ZSCAN5A: variants seen among roughly 807,000 people sequenced by gnomAD.
ZSCAN5A encodes the protein zinc finger and SCAN domain containing 5A, also known as zinc finger and SCAN domain-containing protein 5A.
Under a neutral mutation model 23.7 loss-of-function variants are expected in ZSCAN5A, and 12 were observed. The observed-to-expected ratio is 0.51, with a 90% CI of 0.32 to 0.82. The LOEUF (loss-of-function observed/expected upper bound fraction) is 0.82, where lower values mean the gene tolerates loss of function less well. Among genes scored for constraint, ZSCAN5A ranks in the 40% least tolerant of loss-of-function variants. The pLI is 0.03. For synonymous variants in ZSCAN5A, 257 were observed against 239.9 expected, an observed-to-expected ratio of 1.07 and a Z score of -0.66; for missense variants, 597 against 617.9, an observed-to-expected ratio of 0.97 and a Z score of 0.36.
At chr19:56,275,400 G>A (rs893962883) in intron 2 of ZSCAN5A, among the ~76,000 whole-genome samples, 14 of 152,002 alleles carry the variant, frequency 9.2e-5, no homozygotes, top group Non-Finnish European at 1.8e-4. Context: ...ATTTATTCAA[G>A]TACTGTATTT....
At chr19:56,304,784 C>T in intron 2 of ZSCAN5A, 1 of 985,374 alleles carries the variant, frequency 1.0e-6, no homozygotes, top group Non-Finnish European at 1.2e-6. Flanking sequence ...TTCACTTTTT[C>T]CTCCCAAGTG....
chr19:56,299,559 C>T (rs922862182), intron 2 of ZSCAN5A, among the ~76,000 whole-genome samples: 3 of 152,220 alleles, frequency 2.0e-5, no homozygotes, highest in Admixed American at 6.5e-5. Flanking sequence ...ACAGTTGTCC[C>T]TCAGTATCCT....
chr19:56,319,565 G>A (rs1485392911), upstream of ZSCAN5A, among the ~76,000 whole-genome samples: 1 of 147,440 alleles, frequency 6.8e-6, no homozygotes, highest in Non-Finnish European at 1.5e-5. Flanking sequence ...GTAATGGCTT[G>A]AAATCAGTTC....
chr19:56,226,416 G>T (rs961827483), intron 2 of ZSCAN5A, among the ~76,000 whole-genome samples: 4 of 152,216 alleles, frequency 2.6e-5, no homozygotes, highest in Non-Finnish European at 4.4e-5. Context: ...TAAGGCGCCT[G>T]TGTGGACATC....
rs746897980 is a variant in ZSCAN5A, at chr19:56,222,142, G to A, written c.924C>T (p.Ser308=). The change falls in exon 6 of 6, where the codon TCC becomes TCT. Residue 308 remains serine (S), a synonymous_variant. Transcript: ENST00000683990. ...KRSKPDASSI[S]QEEPQGEATP... is the part of the protein sequence containing the mutation. ...TGGCTTCTCCTTGAGGCTCTTCTTGGGAAATGGAGGAGGCATCTGGTTTGC... is the reference window on the plus strand; with the variant it reads ...TGGCTTCTCCTTGAGGCTCTTCTTGAGAAATGGAGGAGGCATCTGGTTTGC... 3.1e-6 allele frequency: 5 copies of A among 1,613,942 alleles called. No individual in the cohort carries two copies. Among genetic ancestry groups the A allele is most frequent in the Non-Finnish European group, 4.2e-6 (5 of 1,180,042 alleles).
intron 2 of ZSCAN5A, among the ~76,000 whole-genome samples, chr19:56,359,858 C>T (rs1338301954): frequency 1.3e-5 from 2 of 152,106 alleles, no homozygotes; most frequent in Non-Finnish European, 2.9e-5. Flanking sequence ...GCAGAAAAGG[C>T]CTTTGATAAA....
At chr19:56,294,326 G>A (rs2039717939) in intron 2 of ZSCAN5A, among the ~76,000 whole-genome samples, 1 of 152,226 alleles carries the variant, frequency 6.6e-6, no homozygotes, top group African/African-American at 2.4e-5. Flanking sequence ...GACAGCCTGA[G>A]TTTTAAGGCA....
chr19:56,333,691 T>G (rs901400478), intron 2 of ZSCAN5A, among the ~76,000 whole-genome samples: 2 of 152,116 alleles, frequency 1.3e-5, no homozygotes, highest in Admixed American at 6.5e-5. Context: ...AGCCATCTCT[T>G]ATTCATGCAT....
chr19:56,357,373 CAT>C (rs1259219418), intron 2 of ZSCAN5A, among the ~76,000 whole-genome samples: 4 of 148,610 alleles, frequency 2.7e-5, no homozygotes, highest in Non-Finnish European at 3.0e-5. Context: ...AATACTTACA[CAT>C]GTTTTGTTGG....
At chr19:56,237,986 T>TGGACACACACATGA (rs375548452) in intron 2 of ZSCAN5A, among the ~76,000 whole-genome samples, 1 of 16,654 alleles carries the variant, frequency 6.0e-5, no homozygotes, top group Non-Finnish European at 1.0e-4. Flanking sequence ...CACACACACA[T>TGGACACACACATGA]ACACACATAC....
chr19:56,361,302 C>T (rs1042845859), intron 2 of ZSCAN5A, among the ~76,000 whole-genome samples: 8 of 152,148 alleles, frequency 5.3e-5, no homozygotes, highest in Non-Finnish European at 1.2e-4. Flanking sequence ...TGTGGTGATT[C>T]CTGAAAGATT....
intron 2 of ZSCAN5A, among the ~76,000 whole-genome samples, chr19:56,336,620 C>T (rs2041539780): frequency 6.6e-6 from 1 of 152,218 alleles, no homozygotes; most frequent in South Asian, 2.1e-4. Context: ...TGTTCCGTTG[C>T]TGGTGAGGAG....
intron 2 of ZSCAN5A, among the ~76,000 whole-genome samples, chr19:56,296,892 G>T (rs2039912324): frequency 1.3e-5 from 2 of 152,064 alleles, no homozygotes; most frequent in Admixed American, 6.5e-5. Flanking sequence ...CAATTATTTT[G>T]AAACAAATTT....
intron 2 of ZSCAN5A, among the ~76,000 whole-genome samples, chr19:56,359,837 T>C (rs1490066128): frequency 6.6e-6 from 1 of 152,154 alleles, no homozygotes; most frequent in Non-Finnish European, 1.5e-5. Flanking sequence ...CACAACACTA[T>C]CTTAACAGAT....
intron 2 of ZSCAN5A, among the ~76,000 whole-genome samples, chr19:56,344,498 C>T (rs1449449599): frequency 6.6e-6 from 1 of 152,196 alleles, no homozygotes; most frequent in Non-Finnish European, 1.5e-5. Flanking sequence ...AAGGGCCAGG[C>T]ATGGTGGCTC....
At chr19:56,302,581 C>CCCTTTTCTTCCTCCCCTCTT (rs1679345166) in intron 2 of ZSCAN5A, among the ~76,000 whole-genome samples, 4 of 39,990 alleles carry the variant, frequency 1.0e-4, no homozygotes, top group Admixed American at 3.0e-4. Flanking sequence ...TTCTTCCTCC[C>CCCTTTTCTTCCTCCCCTCTT]CCTTTTCTTC....
At chr19:56,281,361 T>C (rs2038689512) in intron 2 of ZSCAN5A, among the ~76,000 whole-genome samples, 1 of 110,154 alleles carries the variant, frequency 9.1e-6, no homozygotes, top group Non-Finnish European at 2.0e-5. Context: ...GGTGTGTGTA[T>C]GTACACATAT....
intron 2 of ZSCAN5A, among the ~76,000 whole-genome samples, chr19:56,334,381 T>A (rs563436293): frequency 1.9e-4 from 29 of 152,350 alleles, no homozygotes; most frequent in African/African-American, 6.7e-4. Context: ...GCACAAATTA[T>A]TTTATTATTA....
intron 2 of ZSCAN5A, among the ~76,000 whole-genome samples, chr19:56,328,044 A>G (rs1190015487): frequency 6.6e-6 from 1 of 152,210 alleles, no homozygotes; most frequent in Non-Finnish European, 1.5e-5. Context: ...AAGTAGCTTA[A>G]TAATAAACTC....
Sources: gnomAD v4.1 joint callset for allele counts (sites outside exome capture counted in the v4.1 genomes callset) on GRCh38, gnomAD v4.1.1 for gene constraint, MANE v1.5 for transcripts, NCBI Gene and HGNC (gene_info 2026-07-23, HGNC 2026-07-21) for gene names.